DNAAF5: variants seen among roughly 807,000 people sequenced by gnomAD.
The protein encoded by DNAAF5 is dynein axonemal assembly factor 5, also known as HEAT repeat containing 2.
Under a neutral mutation model 75.8 loss-of-function variants are expected in DNAAF5, and 64 were observed. The ratio of observed to expected loss-of-function variants is 0.84; its 90% CI spans 0.69 to 1.04. The LOEUF (loss-of-function observed/expected upper bound fraction) is 1.04. Among genes scored for constraint, DNAAF5 ranks in the 50% least tolerant of loss-of-function variants. DNAAF5 has a pLI of 0.00. For missense variants in DNAAF5, 1,269 were observed against 1,178.5 expected (o/e 1.08, Z -1.12); for synonymous variants, 657 against 557.2 (o/e 1.18, Z -2.52).
At chr7:741,204 T>C (rs1278250547) in intron 3 of DNAAF5, 143 bp from the exon 4 acceptor site, 5 of 703,102 alleles carry the variant, frequency 7.1e-6, no homozygotes, top group African/African-American at 5.4e-5. Flanking sequence ...TGAAGTGGAA[T>C]TTCTGGTCCA....
At chr7:746,841 C>T (rs1782130693) in intron 4 of DNAAF5, among the ~76,000 whole-genome samples, 2 of 152,246 alleles carry the variant, frequency 1.3e-5, no homozygotes, top group Non-Finnish European at 2.9e-5. Context: ...TGGGCCCTGG[C>T]ACTGCTGCTG....
At chr7:784,115 G>A (rs1041196761) in intron 12 of DNAAF5, among the ~76,000 whole-genome samples, 2 of 151,976 alleles carry the variant, frequency 1.3e-5, no homozygotes, top group Non-Finnish European at 2.9e-5. Context: ...TGGGCCCATG[G>A]CAGGCATCTG....
intron 3 of DNAAF5, among the ~76,000 whole-genome samples, 187 bp from the exon 4 acceptor site, chr7:741,160 C>T (rs1781896831): frequency 6.6e-6 from 1 of 152,226 alleles, no homozygotes; most frequent in Admixed American, 6.5e-5. Flanking sequence ...TCAGACGGCC[C>T]CCTTTGTGTA....
Position 785,688 on chromosome 7 carries a change from C to A in DNAAF5, c.*35C>A. 1 of 1,603,258 alleles carries A rather than the reference C, an allele frequency of 6.2e-7. No homozygotes were observed. The highest frequency in any genetic ancestry group is 8.5e-7 in the Non-Finnish European group (1 of 1,174,424). On this transcript the variant is annotated 3_prime_UTR_variant, in exon 13 of 13. Transcript: ENST00000297440. ...TTTCAGCCACGGCACACCCTTGTCC[C>A]CACCTGAGCCAGAGTTTGTGGCCTT... is the stretch of plus-strand genomic sequence containing the variant.
intron 8 of DNAAF5, among the ~76,000 whole-genome samples, chr7:764,598 G>T (rs1782764980): frequency 6.6e-6 from 1 of 152,198 alleles, no homozygotes; most frequent in African/African-American, 2.4e-5. Flanking sequence ...AGCTCCGAGT[G>T]CCCCCGCCTC....
chr7:778,801 C>T (rs1372220971), intron 11 of DNAAF5: 1 of 152,954 alleles, frequency 6.5e-6, no homozygotes, highest in Non-Finnish European at 1.5e-5. Context: ...GTGAGGGCAC[C>T]TGCCGTGCAG....
At chr7:752,117 C>T (rs895846043) in intron 4 of DNAAF5, among the ~76,000 whole-genome samples, 3 of 152,264 alleles carry the variant, frequency 2.0e-5, no homozygotes, top group Admixed American at 6.5e-5. Flanking sequence ...AACAGGCGCC[C>T]GCACGCGGAC....
intron 4 of DNAAF5, among the ~76,000 whole-genome samples, chr7:744,400 A>G (rs1351267580): frequency 6.6e-6 from 1 of 152,236 alleles, no homozygotes; most frequent in East Asian, 1.9e-4. Flanking sequence ...CAATAAACAT[A>G]CATGTGCCTG....
chr7:734,356 CGTA>C lies in DNAAF5; in HGVS notation c.780+4512_780+4514del, dbSNP rs1781669798. 2.0e-5 allele frequency among the ~76,000 whole-genome samples: 3 copies of C among 152,274 alleles called. No individual in the cohort carries two copies. In the South Asian group the frequency reaches 6.2e-4, roughly 32 times the overall value. On this transcript the variant is annotated intron_variant, in intron 2 of 12. Transcript: ENST00000297440. ...TTTTCAGCATCACTTGAAATAATCA[CGTA>C]GTTCTTGTCCTTCATTCTGCCGATA... is the stretch of plus-strand genomic sequence containing the variant.
chr7:783,384 C>T (rs1373519269), intron 12 of DNAAF5, among the ~76,000 whole-genome samples: 3 of 152,226 alleles, frequency 2.0e-5, no homozygotes, highest in Non-Finnish European at 4.4e-5. Flanking sequence ...GCTCCCGCAT[C>T]TGCGCAGGTG....
At chr7:785,108 A>G (rs1779106165) in intron 12 of DNAAF5, among the ~76,000 whole-genome samples, 1 of 152,154 alleles carries the variant, frequency 6.6e-6, no homozygotes, top group Non-Finnish European at 1.5e-5. Context: ...GCTCGTGTCC[A>G]CACTGGGACT....
At position 728,330 on chromosome 7, in the gene DNAAF5, C is replaced by G. The variant is rs1359550234; in HGVS notation, c.595+1015C>G. On this transcript the variant is annotated intron_variant, in intron 1 of 12. Coordinates refer to ENST00000297440, the MANE Select transcript of DNAAF5 (RefSeq NM_017802.4). ...AAAGCAGTGAGGGATCTGGCCAGCT[C>G]AGGCCGTCCCAGTGATGTCCCAGTG... Among the ~76,000 whole-genome samples the G allele has an allele frequency of 3.3e-5, 5 of 152,200 alleles. No individual in the cohort carries two copies. In the South Asian group the frequency reaches 1.0e-3, roughly 32 times the overall value.
chr7:782,097 G>C lies in DNAAF5; in HGVS notation c.2431+1953G>C, dbSNP rs376828850. ...TCCCGGCGTGGCTACATCCGGTTAT[G>C]CGATGTCGGATCTTCCTGGTGTGGC... is the stretch of plus-strand genomic sequence containing the variant. On this transcript the variant is annotated intron_variant, in intron 12 of 12. Transcript: ENST00000297440. Among the ~76,000 whole-genome samples the C allele has an allele frequency of 1.1e-4, 17 of 151,250 alleles. No homozygotes were observed. The East Asian group carries it at 2.7e-3, about 24-fold the overall frequency.
At chr7:763,434 T>A (rs144041615) in intron 7 of DNAAF5, among the ~76,000 whole-genome samples, 1 of 152,328 alleles carries the variant, frequency 6.6e-6, no homozygotes, top group Non-Finnish European at 1.5e-5. Context: ...GGCTTAACTC[T>A]TTAAGCCACT....
intron 6 of DNAAF5, among the ~76,000 whole-genome samples, chr7:757,760 C>A (rs1469738472): frequency 6.6e-6 from 1 of 152,328 alleles, no homozygotes; most frequent in African/African-American, 2.4e-5. Flanking sequence ...CCAGATATTT[C>A]TGGGACACAG....
At chr7:769,011 G>C (rs1778457421) in intron 8 of DNAAF5, 1 of 611,874 alleles carries the variant, frequency 1.6e-6, no homozygotes, top group South Asian at 1.8e-5. Flanking sequence ...CTGCCCGGCT[G>C]CGTGGGGAGG....
intron 4 of DNAAF5, among the ~76,000 whole-genome samples, chr7:745,670 C>T (rs1191765061): frequency 6.7e-6 from 1 of 148,644 alleles, no homozygotes; most frequent in African/African-American, 2.4e-5. Flanking sequence ...TCCTCACACA[C>T]GTGTACACAC....
chr7:785,631 A>G lies in DNAAF5; in HGVS notation c.2546A>G (p.Gln849Arg). ...TYCEQLLQHVQAVPATQ is the reference protein window; with the variant it reads ...TYCEQLLQHVRAVPATQ ...TGCGAGCAGCTCCTGCAGCATGTGC[A>G]GGCCGTGCCAGCCACACAGTGACCA... Residue 849 changes from glutamine (Q) to arginine (R), a missense_variant, in exon 13 of 13, where the codon CAG becomes CGG. Gln to Arg is a conservative substitution (Grantham distance 43). Transcript: ENST00000297440. 6.2e-7 allele frequency: 1 copy of G among 1,613,002 alleles called. No individual in the cohort carries two copies. Among genetic ancestry groups the G allele is most frequent in the Non-Finnish European group, 8.5e-7 (1 of 1,179,996 alleles).
intron 11 of DNAAF5, 50 bp from the exon 12 acceptor site, chr7:779,903 G>T: frequency 1.3e-6 from 2 of 1,528,122 alleles, no homozygotes; most frequent in South Asian, 2.4e-5. Context: ...ACGTTTAGAC[G>T]TGAAATGTCT....
Sources: gnomAD v4.1 joint callset for allele counts (sites outside exome capture counted in the v4.1 genomes callset) on GRCh38, gnomAD v4.1.1 for gene constraint, MANE v1.5 for transcripts, NCBI Gene and HGNC (gene_info 2026-07-23, HGNC 2026-07-21) for gene names.